The following DNAJC6 variants were observed in gnomAD, a reference collection of about 807,000 sequenced individuals.
DNAJC6 encodes auxilin.
Under a neutral mutation model 110.0 loss-of-function variants are expected in DNAJC6, and 34 were observed. That is an observed-to-expected ratio of 0.31 (90% CI 0.24 to 0.41). The LOEUF is 0.41. Among genes scored for constraint, DNAJC6 ranks in the 10% least tolerant of loss-of-function variants. DNAJC6 has a pLI of 1.00. For synonymous variants in DNAJC6, 406 were observed against 437.2 expected, an observed-to-expected ratio of 0.93 and a Z score of 0.89; for missense variants, 1,031 against 1,207.8, an observed-to-expected ratio of 0.85 and a Z score of 2.17.
At chr1:65,366,221 A>G (rs1645645145) in intron 4 of DNAJC6, 25 bp downstream of exon 4, 1 of 1,612,424 alleles carries the variant, frequency 6.2e-7, no homozygotes, top group Non-Finnish European at 8.5e-7. Context: ...CCCTGAGATC[A>G]TACTGTTGAA....
chr1:65,307,018 C>CTCTCTCTCTA (rs1465563773), upstream of DNAJC6, among the ~76,000 whole-genome samples: 2 of 70,704 alleles, frequency 2.8e-5, no homozygotes, highest in African/African-American at 1.1e-4. Flanking sequence ...CTCTCTCTCT[C>CTCTCTCTCTA]TATATATATA....
chr1:65,323,900 G>A (rs1645217978), intron 1 of DNAJC6, among the ~76,000 whole-genome samples: 1 of 152,104 alleles, frequency 6.6e-6, no homozygotes, highest in Non-Finnish European at 1.5e-5. Flanking sequence ...GAGCCACCAT[G>A]CCCAGCCAAT....
intron 1 of DNAJC6, among the ~76,000 whole-genome samples, chr1:65,330,702 C>T (rs1271596974): frequency 2.0e-5 from 3 of 152,128 alleles, no homozygotes; most frequent in Non-Finnish European, 4.4e-5. Flanking sequence ...CTCCTGACCT[C>T]GTGATCCGCC....
chr1:65,401,570 C>G (rs1355144880), intron 14 of DNAJC6, among the ~76,000 whole-genome samples, 191 bp from the exon 15 acceptor site: 3 of 152,210 alleles, frequency 2.0e-5, no homozygotes, highest in Non-Finnish European at 2.9e-5. Flanking sequence ...TTTGTCTTTT[C>G]TGTGGTCTGT....
At chr1:65,298,795 C>A (rs74083020) in intron 1 of DNAJC6, 1 of 152,202 alleles carries the variant, frequency 6.6e-6, no homozygotes, top group Non-Finnish European at 1.5e-5. Context: ...ATCTCAAATT[C>A]TTTAATTCAA....
At chr1:65,404,569 C>T (rs960011988) in intron 15 of DNAJC6, among the ~76,000 whole-genome samples, 9 of 152,154 alleles carry the variant, frequency 5.9e-5, no homozygotes, top group Admixed American at 5.2e-4. Context: ...GAATGAAGAA[C>T]GAATGCAAGA....
At chr1:65,349,295 T>A (rs550281484) in intron 1 of DNAJC6, among the ~76,000 whole-genome samples, 15 of 151,926 alleles carry the variant, frequency 9.9e-5, no homozygotes, top group Admixed American at 9.8e-4. Context: ...ATATTTTTCA[T>A]CTGTGTAATA....
intron 14 of DNAJC6, among the ~76,000 whole-genome samples, chr1:65,400,071 T>C (rs1646016266): frequency 6.6e-6 from 1 of 152,060 alleles, no homozygotes; most frequent in South Asian, 2.1e-4. Context: ...TCCCAGCTAC[T>C]TGGGAGGCTG....
At chr1:65,323,564 TG>T (rs1361959367) in intron 1 of DNAJC6, among the ~76,000 whole-genome samples, 1 of 152,168 alleles carries the variant, frequency 6.6e-6, no homozygotes, top group Non-Finnish European at 1.5e-5. Flanking sequence ...TATAGCGATG[TG>T]AAACTAGATT....
intron 4 of DNAJC6, among the ~76,000 whole-genome samples, chr1:65,366,784 A>G (rs1276868731): frequency 1.3e-5 from 2 of 152,258 alleles, no homozygotes; most frequent in East Asian, 3.9e-4. Context: ...TTCCCCTCTC[A>G]AGAACATCTC....
intron 1 of DNAJC6, among the ~76,000 whole-genome samples, chr1:65,323,294 A>G (rs1220673251): frequency 1.3e-5 from 2 of 152,108 alleles, no homozygotes; most frequent in Non-Finnish European, 2.9e-5. Context: ...CTGGTGGGAG[A>G]TGATTGAATC....
At chr1:65,272,820 G>A (rs753771408) in intron 1 of DNAJC6, among the ~76,000 whole-genome samples, 16 of 152,320 alleles carry the variant, frequency 1.1e-4, no homozygotes, top group Non-Finnish European at 1.5e-4. Flanking sequence ...GCTTACAGGC[G>A]TGAGCCACTC....
At chr1:65,336,494 A>G (rs1645338324) in intron 1 of DNAJC6, among the ~76,000 whole-genome samples, 1 of 152,200 alleles carries the variant, frequency 6.6e-6, no homozygotes, top group African/African-American at 2.4e-5. Context: ...AAAAAAGTAA[A>G]AAGGGGAAAC....
At chr1:65,379,707 GACT>G in intron 5 of DNAJC6, 183 bp downstream of exon 5, 1 of 850,010 alleles carries the variant, frequency 1.2e-6, no homozygotes, top group East Asian at 2.8e-5. Context: ...CTTAAAGCTT[GACT>G]ACTAGTGGGA....
chr1:65,296,586 C>CTTT lies in DNAJC6; in HGVS notation c.-131+31671_-131+31673dup, dbSNP rs11393548. ...GTAGTTATTCATTCATTCGACACAT[C>CTTT]TTTTTTTTTTTTTTTTTTTGAGACG... On this transcript the variant is annotated intron_variant, in intron 1 of 19. Transcript: ENST00000263441. 1.3e-3 allele frequency among the ~76,000 whole-genome samples: 165 copies of CTTT among 123,500 alleles called. 6 individuals are homozygous for CTTT. The highest frequency in any genetic ancestry group is 3.3e-3 in the African/African-American group (108 of 32,750). The allele number at this position is 123,500 out of a possible 152,430, so 81.0% of individuals were successfully genotyped here.
At position 65,302,107 on chromosome 1, in the gene DNAJC6, A is replaced by T. The variant is rs932039553; in HGVS notation, c.-131+37175A>T. Among the ~76,000 whole-genome samples, 211 of 53,780 alleles carry T rather than the reference A, an allele frequency of 3.9e-3. 4 individuals are homozygous for T. In the African/African-American group the frequency reaches 0.042, roughly 11 times the overall value. The allele number at this position is 53,780 out of a possible 152,430, so 35.3% of individuals were successfully genotyped here. A position where few individuals can be genotyped will look rare whatever the true frequency, so the allele number is the denominator to read the frequency against. On this transcript the variant is annotated intron_variant, in intron 1 of 19. Coordinates refer to the DNAJC6 transcript ENST00000263441. ...TATATATATTATATATATAATATAT[A>T]ATATATATATATATATAAAAAATAT...
Position 65,392,450 on chromosome 1 carries a change from A to T in DNAJC6, c.1488A>T (p.Ser496=). ...LCWQDQKSEK[S]FCEEDHAALV... ...CCTCAGATCAGAAATCGGAGAAGTC[A>T]TTCTGTGAGGAGGACCACGCTGCCC... The change falls in exon 12 of 19, where the codon TCA becomes TCT. Residue 496 remains serine, a synonymous_variant. Transcript: ENST00000371069. 6.2e-7 allele frequency: 1 copy of T among 1,603,152 alleles called. No homozygotes were observed. Among genetic ancestry groups the T allele is most frequent in the Non-Finnish European group, 8.5e-7 (1 of 1,173,910 alleles).
At position 65,368,181 on chromosome 1, in the gene DNAJC6, G is replaced by A. The variant is rs575636607; in HGVS notation, c.543+1985G>A. On this transcript the variant is annotated intron_variant, in intron 4 of 18. Transcript: ENST00000371069. Reference sequence around the variant, plus strand: ...AATAATATTTATAATACCTGCCAAGGGAGATTAGTAAAGGGAGACACCAGT... The same window carrying A: ...AATAATATTTATAATACCTGCCAAGAGAGATTAGTAAAGGGAGACACCAGT... 1.6e-4 allele frequency among the ~76,000 whole-genome samples: 25 copies of A among 152,244 alleles called. No homozygotes were observed. In the South Asian group the frequency reaches 5.0e-3, roughly 30 times the overall value.
chr1:65,368,706 C>CTT (rs1645674782), intron 4 of DNAJC6, among the ~76,000 whole-genome samples: 1 of 54,508 alleles, frequency 1.8e-5, no homozygotes, highest in Non-Finnish European at 3.1e-5. Flanking sequence ...TCTTCCTCCT[C>CTT]CTTCTTCTTC....
Sources: gnomAD v4.1 joint callset for allele counts (sites outside exome capture counted in the v4.1 genomes callset) on GRCh38, gnomAD v4.1.1 for gene constraint, MANE v1.5 for transcripts, NCBI Gene and HGNC (gene_info 2026-07-23, HGNC 2026-07-21) for gene names.